The following ATXN2L variants were observed in gnomAD, a reference collection of about 807,000 sequenced individuals.
ATXN2L encodes ataxin-2-like protein.
In ATXN2L, 24 loss-of-function variants were observed where a neutral mutation model predicts 120.7. The ratio of observed to expected loss-of-function variants is 0.20; its 90% confidence interval spans 0.14 to 0.28. The LOEUF is 0.28. ATXN2L is among the 10% of genes least tolerant of loss of function. ATXN2L has a pLI of 1.00. For synonymous variants in ATXN2L, 653 were observed against 568.1 expected, an observed-to-expected ratio of 1.15 and a Z score of -2.13; for missense variants, 1,312 against 1,432.3, an observed-to-expected ratio of 0.92 and a Z score of 1.36.
At position 28,824,367 on chromosome 16, in the gene ATXN2L, C is replaced by T. The variant is rs2050914680; in HGVS notation, c.299+809C>T. 14 of 1,227,938 alleles carry T rather than the reference C, an allele frequency of 1.1e-5. No individual in the cohort carries two copies. In the South Asian group the frequency reaches 1.7e-4, roughly 15 times the overall value. 76.1% of individuals were successfully genotyped at this position (1,227,938 alleles called of 1,614,324 possible). On this transcript the variant is annotated intron_variant, in intron 1 of 21. Coordinates refer to ENST00000336783, the MANE Select transcript of ATXN2L (RefSeq NM_007245.4). ...GCTCTGATCGCTGGAGGTGGGGGTTCGGAAAGTCCCGTGGGTTTTAGTGCG... is the reference window on the plus strand; with the variant it reads ...GCTCTGATCGCTGGAGGTGGGGGTTTGGAAAGTCCCGTGGGTTTTAGTGCG...
At chr16:28,835,432 G>A in intron 20 of ATXN2L, 33 bp downstream of exon 20, 1 of 1,611,966 alleles carries the variant, frequency 6.2e-7, no homozygotes, top group Non-Finnish European at 8.5e-7. Flanking sequence ...AGTGGTCCTG[G>A]TGCAGGAATG....
At position 28,823,498 on chromosome 16, in the gene ATXN2L, AGCCGCC is replaced by A. The variant is rs779020531; in HGVS notation, c.248_253del (p.Pro83_Pro84del). 5 of 1,381,838 alleles carry A rather than the reference AGCCGCC, an allele frequency of 3.6e-6. No homozygotes were observed. The highest frequency in any genetic ancestry group is 1.5e-5 in the African/African-American group (1 of 65,970). The allele number at this position is 1,381,838 out of a possible 1,614,324, so 85.6% of individuals were successfully genotyped here. On this transcript the variant is annotated inframe_deletion, in exon 1 of 22. Transcript: ENST00000336783. ...GGAGCCGAAGGCATCTTGGCGCCGC[AGCCGCC>A]GCCGCCGCAGCAACACCAGGAGAGG... is the stretch of plus-strand genomic sequence containing the variant.
intron 13 of ATXN2L, 61 bp from the exon 14 acceptor site, chr16:28,832,998 A>C: frequency 8.1e-6 from 13 of 1,595,300 alleles, no homozygotes; most frequent in Non-Finnish European, 1.1e-5. Flanking sequence ...AAAAGGATGA[A>C]AGAAGAAAGC....
intron 6 of ATXN2L, 107 bp downstream of exon 6, chr16:28,827,093 G>A: frequency 8.7e-7 from 1 of 1,151,588 alleles, no homozygotes; most frequent in Non-Finnish European, 1.1e-6. Context: ...GCCCATTGAT[G>A]GTAGTCAGAT....
At position 28,834,246 on chromosome 16, in the gene ATXN2L, G is replaced by C. The variant is rs144958166; in HGVS notation, c.2172+35G>C. ...GAGACTGGCCGGGCCCAGGGTTAGCGGGGTGGGATTTGGTTGCGCTGGTTG... is the reference window on the plus strand; with the variant it reads ...GAGACTGGCCGGGCCCAGGGTTAGCCGGGTGGGATTTGGTTGCGCTGGTTG... On this transcript the variant is annotated intron_variant, in intron 16 of 21. Transcript: ENST00000336783. 4 of 1,610,798 alleles carry C rather than the reference G, an allele frequency of 2.5e-6. No homozygotes were observed. In the African/African-American group the frequency reaches 5.3e-5, roughly 22 times the overall value.
At chr16:28,825,570 A>G in intron 2 of ATXN2L, 54 bp from the exon 3 acceptor site, 1 of 1,587,528 alleles carries the variant, frequency 6.3e-7, no homozygotes, top group Non-Finnish European at 8.7e-7. Context: ...TAGAAAAGAA[A>G]ATGAGGTGTT....
intron 6 of ATXN2L, among the ~76,000 whole-genome samples, chr16:28,827,496 C>T (rs2052572725): frequency 6.6e-6 from 1 of 152,198 alleles, no homozygotes; most frequent in African/African-American, 2.4e-5. Context: ...ATTTGCATCA[C>T]GTTATTTTTC....
intron 7 of ATXN2L, 122 bp downstream of exon 7, chr16:28,829,614 C>T: frequency 1.2e-6 from 1 of 805,022 alleles, no homozygotes; most frequent in South Asian, 1.7e-5. Context: ...GTCGCCATCC[C>T]TACTCCTACT....
intron 7 of ATXN2L, 40 bp downstream of exon 7, chr16:28,829,532 A>T (rs367991296): frequency 2.1e-6 from 3 of 1,403,826 alleles, no homozygotes; most frequent in Non-Finnish European, 3.0e-6. Context: ...TGTTGGTGAT[A>T]TGGGGTCACT....
chr16:28,825,573 G>A (rs1356397362), intron 2 of ATXN2L, 51 bp from the exon 3 acceptor site: 1 of 1,587,188 alleles, frequency 6.3e-7, no homozygotes, highest in Admixed American at 1.7e-5. Flanking sequence ...AAAAGAAAAT[G>A]AGGTGTTGAC....
chr16:28,825,429 A>C lies in ATXN2L; in HGVS notation c.336+27A>C, dbSNP rs765988438. The C allele has an allele frequency of 1.9e-6, 3 of 1,611,108 alleles. No homozygotes were observed. In the South Asian group the frequency reaches 3.3e-5, roughly 18 times the overall value. On this transcript the variant is annotated intron_variant, in intron 2 of 21. Transcript: ENST00000336783. ...TGAGTGTCTTCTCCCACCCTGTTTAAGATACATAGACCTAAAAGATGCATA... is the reference window on the plus strand; with the variant it reads ...TGAGTGTCTTCTCCCACCCTGTTTACGATACATAGACCTAAAAGATGCATA...
At position 28,832,266 on chromosome 16, in the gene ATXN2L, C is replaced by T. The variant is rs779011425; in HGVS notation, c.1383C>T (p.Ser461=). Residue 461 remains serine (S), a synonymous_variant, in exon 11 of 22, where the codon TCC becomes TCT. Transcript: ENST00000336783. ...KSAAPAPISA[S]CPEPPIGSAV... is the part of the protein sequence containing the mutation. Reference sequence around the variant, plus strand: ...CTGCCCCTGCCCCAATCTCAGCTTCCTGTCCAGAGCCTCCCATCGGCTCGG... The same window carrying T: ...CTGCCCCTGCCCCAATCTCAGCTTCTTGTCCAGAGCCTCCCATCGGCTCGG... The T allele has an allele frequency of 4.9e-5, 79 of 1,614,082 alleles. No homozygotes were observed. In the South Asian group the frequency reaches 8.2e-4, roughly 17 times the overall value.
At chr16:28,825,732 T>C in intron 3 of ATXN2L, 38 bp from the exon 4 acceptor site, 1 of 1,613,366 alleles carries the variant, frequency 6.2e-7, no homozygotes, top group East Asian at 2.2e-5. Flanking sequence ...TGCATCTACT[T>C]TCTGGAGACA....
Position 28,830,663 on chromosome 16 carries a change from GGGA to G in ATXN2L, c.1088_1090del (p.Gly363del). The G allele has an allele frequency of 1.2e-6, 2 of 1,612,890 alleles. No homozygotes were observed. The highest frequency in any genetic ancestry group is 1.7e-6 in the Non-Finnish European group (2 of 1,179,572). ...CTCAACGAGTCCGGGAAGGTCCCCG[GGGA>G]GGAGTTCGATGCAGCAGCTCTCGGG... On this transcript the variant is annotated inframe_deletion, in exon 9 of 22. Coordinates refer to ENST00000336783, the MANE Select transcript of ATXN2L (RefSeq NM_007245.4).
At chr16:28,830,108 G>C in intron 8 of ATXN2L, 50 bp downstream of exon 8, 1 of 1,545,048 alleles carries the variant, frequency 6.5e-7, no homozygotes, top group South Asian at 1.2e-5. Context: ...GGAATATCCT[G>C]GGGCCTGGGC....
rs548928435 is a variant in ATXN2L at position 28,831,189 on chromosome 16, A to AT, written c.1321+120dup. On this transcript the variant is annotated intron_variant, in intron 10 of 21. Coordinates refer to ENST00000336783, the MANE Select transcript of ATXN2L (RefSeq NM_007245.4). ...TAATTTTAAGATAGATGTTTTGGGCATTTGGGATTTAGTCATATTGGGAAA... is the reference window on the plus strand; with the variant it reads ...TAATTTTAAGATAGATGTTTTGGGCATTTTGGGATTTAGTCATATTGGGAAA... 11 of 786,606 alleles carry AT rather than the reference A, an allele frequency of 1.4e-5. No individual in the cohort carries two copies. The South Asian group carries it at 1.9e-4, about 13-fold the overall frequency. 48.7% of individuals were successfully genotyped at this position (786,606 alleles called of 1,614,324 possible). A position where few individuals can be genotyped will look rare whatever the true frequency, so the allele number is the denominator to read the frequency against.
At chr16:28,833,632 G>T in intron 15 of ATXN2L, 124 bp downstream of exon 15, 1 of 1,048,318 alleles carries the variant, frequency 9.5e-7, no homozygotes. Context: ...AGTGTGAGGA[G>T]ATGTCATAAA....
intron 1 of ATXN2L, chr16:28,823,851 TGG>T (rs202189464): frequency 1.0e-5 from 3 of 293,676 alleles, no homozygotes; most frequent in Non-Finnish European, 1.8e-5. Flanking sequence ...AACGGGGAGT[TGG>T]GGGGGGGCAA....
In ATXN2L at chr16:28,836,226, G is replaced by A; in HGVS notation, c.3189G>A (p.Leu1063=). 6.2e-7 allele frequency: 1 copy of A among 1,613,890 alleles called. No individual in the cohort carries two copies. The highest frequency in any genetic ancestry group is 8.5e-7 in the Non-Finnish European group (1 of 1,179,852). ...GGIWHGRAEG[L]QVGQDARVLG... ...TTTGGCATGGAAGAGCTGAGGGGCT[G>A]CAGGTGGGGCAGGATGCACGGGTTC... is the stretch of plus-strand genomic sequence containing the variant. Residue 1063 remains leucine (L), a synonymous_variant, in exon 22 of 22, where the codon CTG becomes CTA. Transcript: ENST00000336783.
Sources: allele counts gnomAD v4.1 joint callset (sites outside exome capture counted in the v4.1 genomes callset), GRCh38; gene constraint gnomAD v4.1.1; transcripts MANE v1.5; gene names NCBI Gene and HGNC (gene_info 2026-07-23, HGNC 2026-07-21).